ANKRD17: variants seen among roughly 807,000 people sequenced by gnomAD.
ANKRD17 encodes ankyrin repeat domain 17.
ANKRD17 carries 19 observed loss-of-function variants against 229.7 expected under a neutral mutation model. That is an observed-to-expected ratio of 0.08 (90% CI 0.06 to 0.12). ANKRD17 has a LOEUF of 0.12. ANKRD17 is among the 10% of genes least tolerant of loss of function. The pLI, the probability that ANKRD17 is intolerant of heterozygous loss-of-function variation, is 1.00. For synonymous variants in ANKRD17, 1,112 were observed against 1,146.1 expected, an observed-to-expected ratio of 0.97 and a Z score of 0.60; for missense variants, 2,176 against 3,176.8, an observed-to-expected ratio of 0.68 and a Z score of 7.57.
intron 3 of ANKRD17, among the ~76,000 whole-genome samples, chr4:73,158,705 CG>C (rs1732104320): frequency 2.0e-5 from 3 of 152,168 alleles, no homozygotes; most frequent in Admixed American, 2.0e-4. Flanking sequence ...CTTCATGAAT[CG>C]GTTAATCCAT....
chr4:73,158,159 A>AGAAAGAAAGAAAGAAAGAAG (rs1731975858), intron 3 of ANKRD17, among the ~76,000 whole-genome samples: 1 of 141,512 alleles, frequency 7.1e-6, no homozygotes, highest in Non-Finnish European at 1.5e-5. Context: ...AGAAAAAGAA[A>AGAAAGAAAGAAAGAAAGAAG]GAAAGAAAGA....
At chr4:73,128,891 G>A (rs1216633809) in intron 16 of ANKRD17, among the ~76,000 whole-genome samples, 1 of 151,928 alleles carries the variant, frequency 6.6e-6, no homozygotes, top group African/African-American at 2.4e-5. Flanking sequence ...ATAGAAATTT[G>A]GGTTAATATT....
rs74555882 is a variant in ANKRD17, at chr4:73,080,181, T to C, written c.7160-1291A>G. Among the ~76,000 whole-genome samples, 624 of 152,190 alleles carry C rather than the reference T, an allele frequency of 4.1e-3. 4 individuals carry two copies. The highest frequency in any genetic ancestry group is 0.014 in the African/African-American group (586 of 41,492). On this transcript the variant is annotated intron_variant, in intron 30 of 33. Coordinates refer to ENST00000358602, the MANE Select transcript of ANKRD17 (RefSeq NM_032217.5). The stretch of plus-strand genomic sequence containing the variant: ...AAATGGTATAAATAATAAAGGAGTC[T>C]GAAGCTTAAAAATCAAAACTGTTAC...
chr4:73,222,861 C>T, intron 1 of ANKRD17: 1 of 867,904 alleles, frequency 1.2e-6, no homozygotes. Context: ...TGCTTTTATG[C>T]TCTGCTTCTC....
chr4:73,177,138 ACT>A (rs1734840494), intron 2 of ANKRD17, among the ~76,000 whole-genome samples: 1 of 152,202 alleles, frequency 6.6e-6, no homozygotes, highest in Non-Finnish European at 1.5e-5. Context: ...GAATAATCAA[ACT>A]CAACTGAAAA....
At chr4:73,236,784 C>T (rs1056060459) in intron 1 of ANKRD17, among the ~76,000 whole-genome samples, 3 of 152,078 alleles carry the variant, frequency 2.0e-5, no homozygotes, top group Admixed American at 1.3e-4. Flanking sequence ...ATGTAGATTA[C>T]CTCCATTCTT....
At chr4:73,130,270 A>G (rs974137387) in intron 16 of ANKRD17, among the ~76,000 whole-genome samples, 6 of 152,178 alleles carry the variant, frequency 3.9e-5, no homozygotes, top group African/African-American at 1.4e-4. Flanking sequence ...ACCTATTAAA[A>G]GCAGTTCATA....
intron 1 of ANKRD17, among the ~76,000 whole-genome samples, chr4:73,212,424 T>C (rs1740400928): frequency 6.6e-6 from 1 of 152,160 alleles, no homozygotes; most frequent in Admixed American, 6.5e-5. Context: ...TACGAAACGA[T>C]CCACCTGCCA....
rs1337882934 is a variant in ANKRD17, at chr4:73,142,359, T to G, written c.2112A>C (p.Ala704=). ...LKDGSTMLIE[A]AKGGHTSVVC... is the part of the protein sequence containing the mutation. ...CAACACTTGTATGGCCACCTTTTGCTGCTTCTATCAACATAGTTGAGCCAT... is the reference window on the plus strand; with the variant it reads ...CAACACTTGTATGGCCACCTTTTGCGGCTTCTATCAACATAGTTGAGCCAT... Residue 704 remains alanine (A), a synonymous_variant, in exon 13 of 34, where the codon GCA becomes GCC. Coordinates refer to ENST00000358602, the MANE Select transcript of ANKRD17 (RefSeq NM_032217.5). The G allele has an allele frequency of 6.3e-7, 1 of 1,587,832 alleles. No homozygotes were observed. The highest frequency in any genetic ancestry group is 1.2e-5 in the South Asian group (1 of 84,778).
At chr4:73,115,710 TA>T in intron 23 of ANKRD17, 110 bp downstream of exon 23, 1 of 746,162 alleles carries the variant, frequency 1.3e-6, no homozygotes, top group Non-Finnish European at 2.2e-6. Context: ...AAATACTAGA[TA>T]AATGAAAATG....
chr4:73,109,972 T>C (rs528629582), intron 24 of ANKRD17, among the ~76,000 whole-genome samples: 14 of 130,886 alleles, frequency 1.1e-4, no homozygotes, highest in Non-Finnish European at 1.8e-4. Context: ...TAGGTTGTGT[T>C]TGAAAAATAT....
At chr4:73,213,077 T>C (rs993105719) in intron 1 of ANKRD17, among the ~76,000 whole-genome samples, 1 of 149,700 alleles carries the variant, frequency 6.7e-6, no homozygotes. Flanking sequence ...GCTGAGTGGA[T>C]AGAATCAAGT....
rs1218634294 is a variant in ANKRD17, at chr4:73,221,944, C to T, written c.393+36332G>A. 4.6e-5 allele frequency among the ~76,000 whole-genome samples: 7 copies of T among 152,130 alleles called. No homozygotes were observed. In the South Asian group the frequency reaches 6.2e-4, roughly 14 times the overall value. Reference sequence around the variant, plus strand: ...ATTGATCATGCAGCACTTTATAATGCGCATAGGCTTTTTTCTCCTGCTAAC... The same window carrying T: ...ATTGATCATGCAGCACTTTATAATGTGCATAGGCTTTTTTCTCCTGCTAAC... On this transcript the variant is annotated intron_variant, in intron 1 of 33. Coordinates refer to ENST00000358602, the MANE Select transcript of ANKRD17 (RefSeq NM_032217.5).
Position 73,077,338 on chromosome 4 carries a change from C to T in ANKRD17, c.7587+17G>A, listed in dbSNP as rs1465495916. ...AAAATCCTCCCTTAAATAACTAGTACAAAATCAGGACTTTACCCCAACTTT... is the reference window on the plus strand; with the variant it reads ...AAAATCCTCCCTTAAATAACTAGTATAAAATCAGGACTTTACCCCAACTTT... On this transcript the variant is annotated intron_variant, in intron 32 of 33. Coordinates refer to ENST00000358602, the MANE Select transcript of ANKRD17 (RefSeq NM_032217.5). 3 of 1,588,158 alleles carry T rather than the reference C, an allele frequency of 1.9e-6. No homozygotes were observed. Among genetic ancestry groups the T allele is most frequent in the African/African-American group, 2.7e-5 (2 of 73,822 alleles).
intron 2 of ANKRD17, among the ~76,000 whole-genome samples, chr4:73,176,308 T>A (rs747883751): frequency 4.6e-5 from 7 of 152,154 alleles, no homozygotes; most frequent in Non-Finnish European, 8.8e-5. Flanking sequence ...TGACAAATGC[T>A]GGAGAGGATG....
rs369254606 is a variant in ANKRD17 at position 73,077,481 on chromosome 4, C to T, written c.7461G>A (p.Pro2487=). The T allele has an allele frequency of 4.3e-6, 7 of 1,613,426 alleles. No homozygotes were observed. Among genetic ancestry groups the T allele is most frequent in the African/African-American group, 2.7e-5 (2 of 75,012 alleles). The change falls in exon 32 of 34, where the codon CCG becomes CCA. Residue 2487 remains proline, a synonymous_variant. Transcript: ENST00000358602. ...PGMGNPMIHR[P]MSDPGVFSQH... is the part of the protein sequence containing the mutation. ...GTGAAAATACTCCTGGGTCAGACAT[C>T]GGTCTGTGGATCATAGGATTTCCCA...
chr4:73,105,131 G>T (rs953467424), intron 24 of ANKRD17, among the ~76,000 whole-genome samples: 1 of 151,884 alleles, frequency 6.6e-6, no homozygotes, highest in African/African-American at 2.4e-5. Context: ...GAAACCTTCT[G>T]GGGGGAGATA....
At chr4:73,250,501 G>A (rs1744893423) in intron 1 of ANKRD17, among the ~76,000 whole-genome samples, 1 of 140,712 alleles carries the variant, frequency 7.1e-6, no homozygotes, top group South Asian at 2.4e-4. Context: ...ACTCAGGAAG[G>A]TGAGATGAGA....
chr4:73,078,566 A>G, intron 31 of ANKRD17, 76 bp downstream of exon 31: 1 of 1,488,466 alleles, frequency 6.7e-7, no homozygotes. Flanking sequence ...GGAAATGACT[A>G]TTAAAGTTAA....
Sources: allele counts gnomAD v4.1 joint callset (sites outside exome capture counted in the v4.1 genomes callset), GRCh38; gene constraint gnomAD v4.1.1; transcripts MANE v1.5; gene names NCBI Gene and HGNC (gene_info 2026-07-23, HGNC 2026-07-21).